Variants in SLCO3A1 observed in about 807,000 individuals in gnomAD.
SLCO3A1 encodes the protein solute carrier organic anion transporter family member 3A1, also known as PGE1 transporter.
A neutral mutation model predicts 63.1 loss-of-function variants in SLCO3A1; 27 were observed. That is an observed-to-expected ratio of 0.43 (90% confidence interval 0.32 to 0.59). The LOEUF (loss-of-function observed/expected upper bound fraction) is 0.59. Among genes scored for constraint, SLCO3A1 ranks in the 20% least tolerant of loss-of-function variants. SLCO3A1 has a pLI of 0.09. For missense variants in SLCO3A1, 773 were observed against 945.8 expected (o/e 0.82, Z 2.40); for synonymous variants, 473 against 409.9 (o/e 1.15, Z -1.86).
Position 91,885,260 on chromosome 15 carries a change from A to C in SLCO3A1, c.181-30733A>C, listed in dbSNP as rs148112140. Among the ~76,000 whole-genome samples, 1 of 152,052 alleles carries C rather than the reference A, an allele frequency of 6.6e-6. No homozygotes were observed. The highest frequency in any genetic ancestry group is 1.9e-4 in the East Asian group (1 of 5,170). On this transcript the variant is annotated intron_variant, in intron 1 of 9. Transcript: ENST00000318445. This position sits in a 1 kb window ranked among gnomAD's most constrained non-coding sequence, Gnocchi z 4.7. Reference sequence around the variant, plus strand: ...ACCCCTGGCTGGGCCTTTTCTCACCATCTTCCTTCTCCAGGGCTACCTCCT... The same window carrying C: ...ACCCCTGGCTGGGCCTTTTCTCACCCTCTTCCTTCTCCAGGGCTACCTCCT...
chr15:91,986,159 T>C (rs2046049588), intron 2 of SLCO3A1, among the ~76,000 whole-genome samples: 1 of 152,178 alleles, frequency 6.6e-6, no homozygotes, highest in Non-Finnish European at 1.5e-5. Flanking sequence ...AGGGAGTACC[T>C]GCTAGCCACC....
At chr15:92,135,293 A>G (rs1005556026) in intron 7 of SLCO3A1, among the ~76,000 whole-genome samples, 8 of 152,236 alleles carry the variant, frequency 5.3e-5, no homozygotes, top group African/African-American at 1.4e-4. Context: ...CTGCTCCCCA[A>G]ATAAAAACCC....
chr15:91,918,021 CCCCTGAAG>C, intron 2 of SLCO3A1, among the ~76,000 whole-genome samples: 1 of 152,334 alleles, frequency 6.6e-6, no homozygotes, highest in Admixed American at 6.5e-5. Context: ...CCCAGAGTCA[CCCCTGAAG>C]TCCTAACAGT....
At chr15:92,085,835 G>A (rs765137155) in intron 2 of SLCO3A1, among the ~76,000 whole-genome samples, 5 of 152,236 alleles carry the variant, frequency 3.3e-5, no homozygotes, top group South Asian at 2.1e-4. Flanking sequence ...TTTCCCTGGT[G>A]TTCTTTATAG....
chr15:92,091,671 C>T (rs1256415030), intron 2 of SLCO3A1, among the ~76,000 whole-genome samples: 2 of 152,150 alleles, frequency 1.3e-5, no homozygotes, highest in Non-Finnish European at 2.9e-5. Context: ...GGTTCGAGAA[C>T]GCGTTGCAGG....
At chr15:92,089,346 C>T (rs2047444258) in intron 2 of SLCO3A1, among the ~76,000 whole-genome samples, 2 of 152,168 alleles carry the variant, frequency 1.3e-5, no homozygotes, top group Non-Finnish European at 2.9e-5. Context: ...TATTAAAGTT[C>T]ATCTGACACT....
At chr15:91,992,624 T>C (rs1421484097) in intron 2 of SLCO3A1, among the ~76,000 whole-genome samples, 1 of 152,172 alleles carries the variant, frequency 6.6e-6, no homozygotes, top group African/African-American at 2.4e-5. Context: ...AGGCCTCTCT[T>C]TGCCCAGTAA....
chr15:92,046,721 T>A (rs2046868149), intron 2 of SLCO3A1, among the ~76,000 whole-genome samples: 1 of 151,680 alleles, frequency 6.6e-6, no homozygotes. Flanking sequence ...ATTCCTTGAT[T>A]TACTTCAGGT....
intron 1 of SLCO3A1, among the ~76,000 whole-genome samples, chr15:91,857,258 A>C (rs1896948171): frequency 6.6e-6 from 1 of 152,156 alleles, no homozygotes; most frequent in East Asian, 1.9e-4. Context: ...GTACAGAAAG[A>C]CACTGATCCT....
At chr15:92,004,577 A>G (rs527275673) in intron 2 of SLCO3A1, among the ~76,000 whole-genome samples, 2 of 152,310 alleles carry the variant, frequency 1.3e-5, no homozygotes, top group South Asian at 4.2e-4. Flanking sequence ...CAGAACACCA[A>G]AAACCAAAGA....
intron 1 of SLCO3A1, among the ~76,000 whole-genome samples, chr15:91,870,976 C>T (rs768393937): frequency 7.9e-5 from 12 of 151,420 alleles, no homozygotes; most frequent in Non-Finnish European, 1.3e-4. Flanking sequence ...GGGTATCTTT[C>T]TCTGGCTGAG....
intron 2 of SLCO3A1, among the ~76,000 whole-genome samples, chr15:92,082,662 C>T (rs571219499): frequency 1.3e-5 from 2 of 152,218 alleles, no homozygotes; most frequent in Non-Finnish European, 2.9e-5. Flanking sequence ...AGAAGATTTG[C>T]ATGCATTACA....
intron 1 of SLCO3A1, among the ~76,000 whole-genome samples, chr15:91,868,717 A>G (rs1309014055): frequency 2.0e-5 from 3 of 152,144 alleles, no homozygotes; most frequent in Admixed American, 6.5e-5. Context: ...TATACTTTCA[A>G]TGATCTTGTG....
chr15:91,980,768 T>G (rs1334903560), intron 2 of SLCO3A1, among the ~76,000 whole-genome samples: 1 of 152,080 alleles, frequency 6.6e-6, no homozygotes, highest in Non-Finnish European at 1.5e-5. Flanking sequence ...ACAACTGGAC[T>G]TCTGTGCAAG....
At chr15:92,055,141 A>G (rs1442680917) in intron 2 of SLCO3A1, among the ~76,000 whole-genome samples, 3 of 152,154 alleles carry the variant, frequency 2.0e-5, no homozygotes, top group African/African-American at 7.2e-5. Flanking sequence ...AATAATTGCC[A>G]TTCTTACTGG....
intron 2 of SLCO3A1, among the ~76,000 whole-genome samples, chr15:92,064,884 T>C (rs2047130362): frequency 1.3e-5 from 2 of 152,048 alleles, no homozygotes; most frequent in Admixed American, 1.3e-4. Context: ...GAAGGGGAAA[T>C]GAAGACAGAT....
At chr15:91,966,251 G>A (rs911390680) in intron 2 of SLCO3A1, among the ~76,000 whole-genome samples, 6 of 152,170 alleles carry the variant, frequency 3.9e-5, no homozygotes, top group Non-Finnish European at 8.8e-5. Flanking sequence ...TTTGCTTTGT[G>A]ACAGATTTGG....
chr15:92,009,526 C>A (rs573036533), intron 2 of SLCO3A1, among the ~76,000 whole-genome samples: 1 of 152,144 alleles, frequency 6.6e-6, no homozygotes. Flanking sequence ...ACCAGGGATT[C>A]GTGTGTCAGG....
At chr15:92,147,437 C>T (rs1392718145) in intron 8 of SLCO3A1, among the ~76,000 whole-genome samples, 2 of 152,104 alleles carry the variant, frequency 1.3e-5, no homozygotes, top group Non-Finnish European at 2.9e-5. Context: ...CTGCATTGAG[C>T]CTTACAGGAC....
Sources: allele counts gnomAD v4.1 joint callset (sites outside exome capture counted in the v4.1 genomes callset), GRCh38; gene constraint gnomAD v4.1.1; non-coding constraint Gnocchi (gnomAD v3.1); transcripts MANE v1.5; gene names NCBI Gene and HGNC (gene_info 2026-07-23, HGNC 2026-07-21).